The following FAM184B variants were observed in gnomAD, a reference collection of about 807,000 sequenced individuals.
The protein encoded by FAM184B is protein FAM184B.
FAM184B carries 111 observed loss-of-function variants against 135.9 expected under a neutral mutation model. That is an observed-to-expected ratio of 0.82 (90% CI 0.70 to 0.96). The LOEUF (loss-of-function observed/expected upper bound fraction) is 0.96, where lower values mean the gene tolerates loss of function less well. FAM184B is among the 40% of genes least tolerant of loss of function. The pLI is 0.00. For missense variants in FAM184B, 1,375 were observed against 1,323.9 expected (o/e 1.04, Z -0.60); for synonymous variants, 552 against 524.8 (o/e 1.05, Z -0.71).
intron 13 of FAM184B, among the ~76,000 whole-genome samples, chr4:17,640,481 C>CAA (rs200666429): frequency 0.53 from 67,314 of 126,988 alleles, 18,806 homozygotes; most frequent in East Asian, 0.83. Flanking sequence ...AAGACTGTCT[C>CAA]AAAAAAAAAA....
chr4:17,736,063 G>A (rs550733828), intron 1 of FAM184B, among the ~76,000 whole-genome samples: 17 of 152,294 alleles, frequency 1.1e-4, no homozygotes, highest in Admixed American at 1.1e-3. Flanking sequence ...GGGTTTACAA[G>A]GTGGCAGGCA....
rs75377084 is a variant in FAM184B, at chr4:17,709,087, C to T, written c.699G>A (p.Arg233=). Residue 233 remains arginine, a synonymous_variant, in exon 2 of 18, where the codon CGG becomes CGA. Coordinates refer to ENST00000265018, the MANE Select transcript of FAM184B (RefSeq NM_015688.2). The part of the protein sequence containing the change: ...ATYERENEAI[R]QAMQQSVSQA... ...GGCTCACCGACTGCTGCATGGCCTG[C>T]CGGATGGCCTCGTTTTCCCTCTCGT... is the stretch of plus-strand genomic sequence containing the variant. The T allele has an allele frequency of 6.5e-7, 1 of 1,549,872 alleles. No homozygotes were observed.
intron 5 of FAM184B, among the ~76,000 whole-genome samples, chr4:17,697,374 C>T (rs1716887386): frequency 6.6e-6 from 1 of 151,522 alleles, no homozygotes; most frequent in Non-Finnish European, 1.5e-5. Flanking sequence ...AGGCCCTTAG[C>T]ATTTTTCCTG....
intron 10 of FAM184B, among the ~76,000 whole-genome samples, chr4:17,653,659 A>T (rs1715694988): frequency 6.6e-6 from 1 of 152,008 alleles, no homozygotes; most frequent in African/African-American, 2.4e-5. Flanking sequence ...GTAAACTTTA[A>T]TAAGTGTCTC....
intron 7 of FAM184B, among the ~76,000 whole-genome samples, chr4:17,686,560 A>G (rs894211646): frequency 2.6e-5 from 4 of 152,138 alleles, no homozygotes; most frequent in Admixed American, 1.3e-4. Context: ...TGTTTTGGCT[A>G]TTTACCTGCC....
At chr4:17,771,478 C>T (rs915688188) in intron 1 of FAM184B, among the ~76,000 whole-genome samples, 1 of 152,216 alleles carries the variant, frequency 6.6e-6, no homozygotes, top group Admixed American at 6.5e-5. Context: ...AAGATTCCAA[C>T]AGAGAGGGCT....
At chr4:17,735,373 A>T (rs1266182698) in intron 1 of FAM184B, among the ~76,000 whole-genome samples, 2 of 152,166 alleles carry the variant, frequency 1.3e-5, no homozygotes, top group East Asian at 1.9e-4. Context: ...AAGTTCGATT[A>T]TAAAAAAAAT....
At position 17,672,332 on chromosome 4, in the gene FAM184B, C is replaced by T. The variant is rs535495249; in HGVS notation, c.1597-7673G>A. 2.6e-5 allele frequency among the ~76,000 whole-genome samples: 4 copies of T among 152,278 alleles called. No homozygotes were observed. In the South Asian group the frequency reaches 6.2e-4, roughly 24 times the overall value. ...AAAATAAAAGAAAGTTTGACTTCCT[C>T]TTGACTGATTTGGATGCCCTTTATT... On this transcript the variant is annotated intron_variant, in intron 7 of 17. Coordinates refer to ENST00000265018, the MANE Select transcript of FAM184B (RefSeq NM_015688.2).
At chr4:17,770,654 C>T (rs900409045) in intron 1 of FAM184B, among the ~76,000 whole-genome samples, 5 of 152,078 alleles carry the variant, frequency 3.3e-5, no homozygotes, top group African/African-American at 9.7e-5. Flanking sequence ...TTACTAGAGA[C>T]GGGGTTTCAC....
chr4:17,639,467 T>C, intron 13 of FAM184B, 71 bp from the exon 14 acceptor site: 9 of 1,516,962 alleles, frequency 5.9e-6, no homozygotes, highest in Non-Finnish European at 8.0e-6. Context: ...CTGGGGTTTA[T>C]TTCCCTCATC....
chr4:17,758,631 G>A lies in FAM184B; in HGVS notation c.141+22528C>T, dbSNP rs149170027. On this transcript the variant is annotated intron_variant, in intron 1 of 17. Coordinates refer to ENST00000265018, the MANE Select transcript of FAM184B (RefSeq NM_015688.2). Reference sequence around the variant, plus strand: ...AGAGGGGTAACTTGTCATTTTTATTGCACAAGTGAGGGTGCTCCTACGGTG... The same window carrying A: ...AGAGGGGTAACTTGTCATTTTTATTACACAAGTGAGGGTGCTCCTACGGTG... Among the ~76,000 whole-genome samples, 480 of 152,296 alleles carry A rather than the reference G, an allele frequency of 3.2e-3. 4 individuals are homozygous for A. Among genetic ancestry groups the A allele is most frequent in the Admixed American group, 5.2e-3 (80 of 15,304 alleles).
In FAM184B at chr4:17,725,053, G is replaced by A. The variant is rs554731149; in HGVS notation, c.142-15409C>T. Reference sequence around the variant, plus strand: ...GGGCCTGGTCTCTGGGGGACTCACCGCTGCAGAGCCTGCTGGCTTTGTGAG... The same window carrying A: ...GGGCCTGGTCTCTGGGGGACTCACCACTGCAGAGCCTGCTGGCTTTGTGAG... On this transcript the variant is annotated intron_variant, in intron 1 of 17. Transcript: ENST00000265018. Among the ~76,000 whole-genome samples, 45 of 152,222 alleles carry A rather than the reference G, an allele frequency of 3.0e-4. No individual in the cohort carries two copies. The South Asian group carries it at 5.6e-3, about 19-fold the overall frequency.
At chr4:17,668,487 C>T (rs1716102182) in intron 7 of FAM184B, among the ~76,000 whole-genome samples, 1 of 152,150 alleles carries the variant, frequency 6.6e-6, no homozygotes, top group African/African-American at 2.4e-5. Flanking sequence ...TCTTGAAGTT[C>T]CCATAGCAAT....
intron 11 of FAM184B, among the ~76,000 whole-genome samples, 175 bp from the exon 12 acceptor site, chr4:17,647,966 A>G (rs1342081056): frequency 2.0e-5 from 3 of 152,174 alleles, no homozygotes; most frequent in Admixed American, 6.5e-5. Flanking sequence ...GCCATGTGTG[A>G]AAACTGTTCT....
Position 17,647,684 on chromosome 4 carries a change from T to C in FAM184B, c.2299A>G (p.Ser767Gly), listed in dbSNP as rs1715506684. Residue 767 changes from serine (S) to glycine (G), a missense_variant, in exon 12 of 18, where the codon AGC (serine) becomes GGC (glycine). Transcript: ENST00000265018. ...ELRALGRQQASSQCPGDSKDH... is the reference protein window; with the variant it reads ...ELRALGRQQAGSQCPGDSKDH... ...TTGCTGTCTCCTGGACACTGGCTGCTGGCTTGCTGTCTGCCCAGAGCCCTC... is the reference window on the plus strand; with the variant it reads ...TTGCTGTCTCCTGGACACTGGCTGCCGGCTTGCTGTCTGCCCAGAGCCCTC... 3 of 1,551,000 alleles carry C rather than the reference T, an allele frequency of 1.9e-6. No individual in the cohort carries two copies. Among genetic ancestry groups the C allele is most frequent in the Non-Finnish European group, 2.6e-6 (3 of 1,146,976 alleles).
At position 17,693,308 on chromosome 4, in the gene FAM184B, C is replaced by T. The variant is rs1716779307; in HGVS notation, c.1482G>A (p.Leu494=). Residue 494 remains leucine, a synonymous_variant, in exon 6 of 18, where the codon CTG becomes CTA. Transcript: ENST00000265018. The part of the protein sequence containing the change: ...AALNVKLQNS[L]LEVLRLEEFI... Reference sequence around the variant, plus strand: ...GCATTTGGTCAGGGCTCACCTCAAGCAGAGAATTCTGAAGCTTCACATTGA... The same window carrying T: ...GCATTTGGTCAGGGCTCACCTCAAGTAGAGAATTCTGAAGCTTCACATTGA... The T allele has an allele frequency of 6.4e-7, 1 of 1,550,988 alleles. No homozygotes were observed. The highest frequency in any genetic ancestry group is 8.7e-7 in the Non-Finnish European group (1 of 1,146,432).
chr4:17,776,846 G>A (rs1260157105), intron 1 of FAM184B, among the ~76,000 whole-genome samples: 2 of 152,180 alleles, frequency 1.3e-5, no homozygotes, highest in African/African-American at 4.8e-5. Context: ...GCACAGTGGA[G>A]TAAGGAAAGA....
intron 7 of FAM184B, among the ~76,000 whole-genome samples, chr4:17,666,314 T>TTC (rs967057581): frequency 6.6e-6 from 1 of 150,458 alleles, no homozygotes; most frequent in African/African-American, 2.4e-5. Context: ...TCTTTTTTTT[T>TTC]TTTTTTTGAG....
chr4:17,673,608 T>C (rs1388502398), intron 7 of FAM184B, among the ~76,000 whole-genome samples: 1 of 152,166 alleles, frequency 6.6e-6, no homozygotes, highest in East Asian at 1.9e-4. Context: ...ATTAATGGCA[T>C]TCACAGTGAC....
Sources: allele counts gnomAD v4.1 joint callset (sites outside exome capture counted in the v4.1 genomes callset), GRCh38; gene constraint gnomAD v4.1.1; transcripts MANE v1.5; gene names NCBI Gene and HGNC (gene_info 2026-07-23, HGNC 2026-07-21).